The following KIF1C variants were observed in gnomAD, a reference collection of about 807,000 sequenced individuals.
The protein encoded by KIF1C is kinesin family member 1C.
KIF1C carries 61 observed loss-of-function variants against 126.5 expected under a neutral mutation model. That is an observed-to-expected ratio of 0.48 (90% CI 0.39 to 0.60). The LOEUF is 0.60. KIF1C is among the 20% of genes least tolerant of loss of function. KIF1C has a pLI of 0.00. For synonymous variants in KIF1C, 640 were observed against 580.6 expected (o/e 1.10, Z -1.47); for missense variants, 1,315 against 1,489.2 (o/e 0.88, Z 1.93).
At position 5,022,772 on chromosome 17, in the gene KIF1C, C is replaced by G; in HGVS notation, c.2628+63C>G. Reference sequence around the variant, plus strand: ...GGCTCTTCACTTTAGGAGTCTGAACCTTCCATCTCAGAGCCTAACCTTCCC... The same window carrying G: ...GGCTCTTCACTTTAGGAGTCTGAACGTTCCATCTCAGAGCCTAACCTTCCC... On this transcript the variant is annotated intron_variant, in intron 22 of 22. Transcript: ENST00000320785. The surrounding 1 kb of genome is among the most constrained non-coding windows in gnomAD (Gnocchi z 4.9). The G allele has an allele frequency of 1.4e-6, 2 of 1,432,044 alleles. No individual in the cohort carries two copies. Among genetic ancestry groups the G allele is most frequent in the Non-Finnish European group, 1.8e-6 (2 of 1,097,258 alleles). 88.7% of individuals were successfully genotyped at this position (1,432,044 alleles called of 1,614,324 possible).
At chr17:5,006,540 T>G (rs1041858530) in intron 13 of KIF1C, among the ~76,000 whole-genome samples, 13 of 152,032 alleles carry the variant, frequency 8.6e-5, no homozygotes, top group African/African-American at 3.1e-4. Flanking sequence ...TTCACCATGT[T>G]GGCCAGGCTG....
rs1425461321 is a variant in KIF1C at position 5,020,864 on chromosome 17, G to GAGC, written c.2003_2005dup (p.Gln668dup). The GAGC allele has an allele frequency of 8.9e-6, 14 of 1,580,350 alleles. No individual in the cohort carries two copies. The highest frequency in any genetic ancestry group is 1.1e-5 in the Non-Finnish European group (13 of 1,162,894). On this transcript the variant is annotated inframe_insertion, in exon 21 of 23. Coordinates refer to ENST00000320785, the MANE Select transcript of KIF1C (RefSeq NM_006612.6). The surrounding 1 kb of genome is among the most constrained non-coding windows in gnomAD (Gnocchi z 5.8). ...AAAGGAAGAAGCCGATCTTCTGCTG[G>GAGC]AGCAGCAGCGACTGGTGAGGGGCAG...
intron 18 of KIF1C, among the ~76,000 whole-genome samples, chr17:5,015,607 T>TTTTA (rs1974955918): frequency 6.8e-6 from 1 of 146,228 alleles, no homozygotes; most frequent in Non-Finnish European, 1.5e-5. Context: ...TTTTTTTTTT[T>TTTTA]TATCATTTGA....
Position 5,022,698 on chromosome 17 carries a change from C to T in KIF1C, c.2617C>T (p.Pro873Ser). ...DRMLRMERVI[P>S]LAQDHEDENE... Reference sequence around the variant, plus strand: ...CATGCTCCGCATGGAGAGGGTCATCCCCCTGGCCCAGGTAGGACTGGCCTT... The same window carrying T: ...CATGCTCCGCATGGAGAGGGTCATCTCCCTGGCCCAGGTAGGACTGGCCTT... The change falls in exon 22 of 23, where the codon CCC becomes TCC. Residue 873 changes from proline (P) to serine (S), a missense_variant. Physicochemically the swap from Pro to Ser is moderately conservative, Grantham distance 74 (BLOSUM62 -1). Around this residue, in one of 2 missense-constraint regions of KIF1C, gnomAD observed 441 missense variants for 436.1 expected, o/e 1.01. Coordinates refer to ENST00000320785, the MANE Select transcript of KIF1C (RefSeq NM_006612.6). The surrounding 1 kb of genome is among the most constrained non-coding windows in gnomAD (Gnocchi z 4.9). The T allele has an allele frequency of 6.5e-7, 1 of 1,546,680 alleles. No individual in the cohort carries two copies. Among genetic ancestry groups the T allele is most frequent in the Non-Finnish European group, 8.7e-7 (1 of 1,147,772 alleles).
rs770207115 is a variant in KIF1C, at chr17:5,020,681, G to A, written c.1937+3G>A. On this transcript the variant is annotated splice_donor_region_variant and intron_variant, in intron 20 of 22. Transcript: ENST00000320785. The surrounding 1 kb of genome is among the most constrained non-coding windows in gnomAD (Gnocchi z 5.8). ...ATAAAGCTGGAAATGGAGAAGAGGT[G>A]CGAGGGGGTTACCCACGTGCCCCAT... 60 of 1,613,230 alleles carry A rather than the reference G, an allele frequency of 3.7e-5. No individual in the cohort carries two copies. The highest frequency in any genetic ancestry group is 4.8e-5 in the Non-Finnish European group (57 of 1,179,368).
At chr17:5,007,635 C>T (rs570043579) in intron 16 of KIF1C, 93 bp downstream of exon 16, 43 of 1,055,294 alleles carry the variant, frequency 4.1e-5, no homozygotes, top group African/African-American at 6.4e-5. Context: ...TGTCCCTGAT[C>T]GCTCCCTTTG....
intron 8 of KIF1C, 41 bp downstream of exon 8, chr17:5,002,883 C>T (rs764304135): frequency 2.7e-6 from 4 of 1,500,530 alleles, no homozygotes; most frequent in South Asian, 1.1e-5. Flanking sequence ...CGGATGCAAC[C>T]TCCCCTGGCA....
chr17:5,013,266 T>C lies in KIF1C; in HGVS notation c.1492-387T>C, dbSNP rs928317943. ...TGATGGGACCTGAGACAGAGGAATATAGGGAAGAAGAGAATGCAGGGGGTC... is the reference window on the plus strand; with the variant it reads ...TGATGGGACCTGAGACAGAGGAATACAGGGAAGAAGAGAATGCAGGGGGTC... On this transcript the variant is annotated intron_variant, in intron 16 of 22. Transcript: ENST00000320785. Among the ~76,000 whole-genome samples, 3 of 151,890 alleles carry C rather than the reference T, an allele frequency of 2.0e-5. No individual in the cohort carries two copies. The East Asian group carries it at 5.8e-4, about 29-fold the overall frequency.
In KIF1C at chr17:5,006,993, C is replaced by CA. The variant is rs760031967; in HGVS notation, c.1245dup (p.Pro416ThrfsTer5). The CA allele has an allele frequency of 1.2e-6, 2 of 1,611,890 alleles. No homozygotes were observed. Among genetic ancestry groups the CA allele is most frequent in the African/African-American group, 2.7e-5 (2 of 74,654 alleles). ...CCCCCAGCTCCAGTTTCACCCTCAT[C>CA]ACCCACCACACATAATGGGGAGCTG... On this transcript the variant is annotated frameshift_variant, in exon 14 of 23. Coordinates refer to ENST00000320785, the MANE Select transcript of KIF1C (RefSeq NM_006612.6). LOFTEE classifies it high-confidence loss of function.
chr17:5,000,970 TC>T (rs1336296767), intron 4 of KIF1C, 122 bp downstream of exon 4: 1 of 1,077,046 alleles, frequency 9.3e-7, no homozygotes, highest in Non-Finnish European at 1.4e-6. Context: ...GGGAGGATGA[TC>T]CTGGGTGGGG....
At chr17:5,009,238 G>A (rs1008844098) in intron 16 of KIF1C, among the ~76,000 whole-genome samples, 2 of 151,176 alleles carry the variant, frequency 1.3e-5, no homozygotes, top group Non-Finnish European at 1.5e-5. Context: ...GGAGTGCAAC[G>A]GTGCAATCTT....
intron 1 of KIF1C, chr17:4,999,132 G>C (rs1311311603): frequency 6.6e-6 from 1 of 152,520 alleles, no homozygotes; most frequent in Non-Finnish European, 1.5e-5. Flanking sequence ...TCATTGTCCC[G>C]GATCCTGAGG....
intron 16 of KIF1C, among the ~76,000 whole-genome samples, chr17:5,012,992 A>C (rs1373286611): frequency 2.0e-5 from 3 of 152,280 alleles, no homozygotes; most frequent in Non-Finnish European, 2.9e-5. Context: ...CGGGTGCTGC[A>C]GGGACCCAGG....
Position 5,026,138 on chromosome 17 carries a change from G to A in KIF1C, c.*1987G>A, listed in dbSNP as rs575096474. The A allele has an allele frequency of 6.6e-6, 1 of 152,350 alleles. No homozygotes were observed. The highest frequency in any genetic ancestry group is 1.5e-5 in the Non-Finnish European group (1 of 68,052). The allele number at this position is 152,350 out of a possible 1,614,324, so 9.4% of individuals were successfully genotyped here. A position where few individuals can be genotyped will look rare whatever the true frequency, so the allele number is the denominator to read the frequency against. On this transcript the variant is annotated 3_prime_UTR_variant, in exon 23 of 23. Transcript: ENST00000320785. ...GGTTTACTCTAGGTTTCCACACCCT[G>A]ATGCTCCTGCCTTTACTTTGACACC...
chr17:5,022,757 T>C lies in KIF1C; in HGVS notation c.2628+48T>C, dbSNP rs1975122849. 6.8e-7 allele frequency: 1 copy of C among 1,463,668 alleles called. No individual in the cohort carries two copies. Among genetic ancestry groups the C allele is most frequent in the Admixed American group, 2.6e-5 (1 of 38,356 alleles). 90.7% of individuals were successfully genotyped at this position (1,463,668 alleles called of 1,614,324 possible). The stretch of plus-strand genomic sequence containing the variant: ...CTTCTCTCCTCCCTCGGCTCTTCAC[T>C]TTAGGAGTCTGAACCTTCCATCTCA... On this transcript the variant is annotated intron_variant, in intron 22 of 22. Transcript: ENST00000320785. The surrounding 1 kb of genome is among the most constrained non-coding windows in gnomAD (Gnocchi z 4.9).
chr17:5,000,031 A>G, intron 2 of KIF1C, 61 bp downstream of exon 2: 1 of 560,252 alleles, frequency 1.8e-6, no homozygotes, highest in Non-Finnish European at 3.2e-6. Context: ...AGAGAGGCAG[A>G]AATACCTTTG....
chr17:5,016,510 C>G (rs1175995028), intron 18 of KIF1C, among the ~76,000 whole-genome samples: 2 of 151,858 alleles, frequency 1.3e-5, no homozygotes, highest in African/African-American at 2.4e-5. Flanking sequence ...CTCGGCCTCC[C>G]AAAGTGCCAG....
At position 5,024,292 on chromosome 17, in the gene KIF1C, A is replaced by AG; in HGVS notation, c.*146dup. 1 of 621,618 alleles carries AG rather than the reference A, an allele frequency of 1.6e-6. No homozygotes were observed. The highest frequency in any genetic ancestry group is 2.7e-6 in the Non-Finnish European group (1 of 363,976). The allele number at this position is 621,618 out of a possible 1,614,324, so 38.5% of individuals were successfully genotyped here. A position where few individuals can be genotyped will look rare whatever the true frequency, so the allele number is the denominator to read the frequency against. ...AGGTCCGAGTAGGTGATAGAAGACA[A>AG]GGGGGAGACCGAGCCGGAGGCTGAG... On this transcript the variant is annotated 3_prime_UTR_variant, in exon 23 of 23. Transcript: ENST00000320785.
intron 1 of KIF1C, chr17:4,999,157 G>C (rs1974494946): frequency 6.6e-6 from 1 of 152,640 alleles, no homozygotes; most frequent in Non-Finnish European, 1.5e-5. Context: ...AGTGCTGGGG[G>C]CTGGGCAAGG....
Sources: gnomAD v4.1 joint callset for allele counts (sites outside exome capture counted in the v4.1 genomes callset) on GRCh38, gnomAD v4.1.1 for gene constraint, gnomAD v4.1.1 regional missense constraint, Gnocchi (gnomAD v3.1) non-coding constraint, MANE v1.5 for transcripts, NCBI Gene and HGNC (gene_info 2026-07-23, HGNC 2026-07-21) for gene names.